The following GPRASP2 variants were observed in gnomAD, a reference collection of about 807,000 sequenced individuals.
The protein encoded by GPRASP2 is G protein-coupled receptor-associated sorting protein 2.
In GPRASP2, 10 loss-of-function variants were observed where a neutral mutation model predicts 36.0. The observed-to-expected ratio is 0.28, with a 90% CI of 0.17 to 0.47. The LOEUF is 0.47. Ranked by LOEUF, GPRASP2 falls within the 20% of genes least tolerant of loss-of-function variation. The pLI is 0.99. For synonymous variants in GPRASP2, 219 were observed against 230.5 expected (o/e 0.95, Z 0.45); for missense variants, 538 against 626.7 (o/e 0.86, Z 1.51).
Position 102,716,473 on chromosome X carries a change from C to T in GPRASP2, c.1604C>T (p.Pro535Leu), listed in dbSNP as rs1354172296. ...AAGCCCAAGAACCTGGAACTTAGCCCAGAAGGAGAAGAGCAGGAATCTTTG... is the reference window on the plus strand; with the variant it reads ...AAGCCCAAGAACCTGGAACTTAGCCTAGAAGGAGAAGAGCAGGAATCTTTG... ...EAKPKNLELS[P>L]EGEEQESLLQ... The change falls in exon 5 of 5, where the codon CCA becomes CTA. Residue 535 changes from proline (P) to leucine (L), a missense_variant. Coordinates refer to ENST00000483720, the MANE Select transcript of GPRASP2 (RefSeq NM_001004051.4). 1 of 1,211,997 alleles carries T rather than the reference C, an allele frequency of 8.3e-7. No homozygotes were observed. Among genetic ancestry groups the T allele is most frequent in the African/African-American group, 1.7e-5 (1 of 57,818 alleles).
In GPRASP2 at chrX:102,715,736, C is replaced by T; in HGVS notation, c.867C>T (p.Ser289=). Residue 289 remains serine, a synonymous_variant, in exon 5 of 5, where the codon AGC becomes AGT. Transcript: ENST00000483720. Reference sequence around the variant, plus strand: ...GGTCTGGATCTGAGGATGAGGCCAGCAACCCATTCTCCTTCTGGGTTGGAG... The same window carrying T: ...GGTCTGGATCTGAGGATGAGGCCAGTAACCCATTCTCCTTCTGGGTTGGAG... ...DSWSGSEDEA[S]NPFSFWVGEN... The T allele has an allele frequency of 8.3e-7, 1 of 1,211,948 alleles. No homozygotes were observed. Among genetic ancestry groups the T allele is most frequent in the Non-Finnish European group, 1.1e-6 (1 of 895,604 alleles).
At chrX:102,713,270 G>C (rs1455554405) in intron 2 of GPRASP2, 53 bp downstream of exon 2, 1 of 111,779 alleles carries the variant, frequency 8.9e-6, no homozygotes, top group African/African-American at 3.3e-5. Flanking sequence ...CCCGAATCGG[G>C]GTAGGGGACT....
At chrX:102,713,345 C>G (rs2081906183) in intron 2 of GPRASP2, 128 bp downstream of exon 2, 1 of 111,983 alleles carries the variant, frequency 8.9e-6, no homozygotes, top group Non-Finnish European at 1.9e-5. Context: ...TGGCGCTCCC[C>G]CCACCTTCCA....
Position 102,714,830 on chromosome X carries a change from G to A in GPRASP2, c.-40G>A. The A allele has an allele frequency of 2.5e-6, 3 of 1,178,590 alleles. No individual in the cohort carries two copies. The highest frequency in any genetic ancestry group is 4.9e-5 in the Admixed American group (2 of 40,899). On this transcript the variant is annotated 5_prime_UTR_variant, in exon 5 of 5. Coordinates refer to ENST00000483720, the MANE Select transcript of GPRASP2 (RefSeq NM_001004051.4). Reference sequence around the variant, plus strand: ...GATCTGTGGTTGAGGTTTAGACTACGGGAGGAGTATATTACCTGACTTTCT... The same window carrying A: ...GATCTGTGGTTGAGGTTTAGACTACAGGAGGAGTATATTACCTGACTTTCT...
intron 3 of GPRASP2, 61 bp downstream of exon 3, chrX:102,713,910 A>G (rs2081918012): frequency 9.0e-6 from 1 of 111,722 alleles, no homozygotes; most frequent in African/African-American, 3.3e-5. Context: ...GGCAGGTGGC[A>G]GATCCACTTC....
intron 2 of GPRASP2, 84 bp from the exon 3 acceptor site, chrX:102,713,698 C>T (rs2081914190): frequency 8.8e-6 from 1 of 113,019 alleles, no homozygotes; most frequent in Non-Finnish European, 1.9e-5. Context: ...GGACTCTTAT[C>T]CTTGGCGTTG....
At position 102,716,726 on chromosome X, in the gene GPRASP2, T is replaced by C. The variant is rs769510587; in HGVS notation, c.1857T>C (p.Ile619=). 20 of 1,212,082 alleles carry C rather than the reference T, an allele frequency of 1.7e-5. No individual in the cohort carries two copies. The highest frequency in any genetic ancestry group is 1.1e-4 in the Admixed American group (5 of 46,074). ...CTTTTATTCATGAAATATCTAAAATTGCAATGGGTATGAGAAGTGCTTCTC... is the reference window on the plus strand; with the variant it reads ...CTTTTATTCATGAAATATCTAAAATCGCAATGGGTATGAGAAGTGCTTCTC... The part of the protein sequence containing the change: ...RDPFIHEISK[I]AMGMRSASQF... Residue 619 remains isoleucine (I), a synonymous_variant, in exon 5 of 5, where the codon ATT becomes ATC. Coordinates refer to ENST00000483720, the MANE Select transcript of GPRASP2 (RefSeq NM_001004051.4).
At position 102,714,243 on chromosome X, in the gene GPRASP2, G is replaced by A. The variant is rs1229578115; in HGVS notation, c.-357G>A. ...CACCACTTGAACAAGAAAAGGAGGG[G>A]GAAACTGCACCACATCAGTGAAGGT... On this transcript the variant is annotated 5_prime_UTR_variant, in exon 4 of 5. Transcript: ENST00000483720. 3 of 112,031 alleles carry A rather than the reference G, an allele frequency of 2.7e-5. No individual in the cohort carries two copies. The highest frequency in any genetic ancestry group is 9.8e-5 in the African/African-American group (3 of 30,656). 9.2% of individuals were successfully genotyped at this position (112,031 alleles called of 1,213,427 possible).
chrX:102,716,891 G>C lies in GPRASP2; in HGVS notation c.2022G>C (p.Met674Ile). 8.3e-7 allele frequency: 1 copy of C among 1,210,139 alleles called. No individual in the cohort carries two copies. Among genetic ancestry groups the C allele is most frequent in the South Asian group, 1.8e-5 (1 of 56,485 alleles). ...HMAPPYPNLNMIETFICQVCE... is the reference protein window; with the variant it reads ...HMAPPYPNLNIIETFICQVCE... ...CTCCACCTTATCCAAATCTAAACAT[G>C]ATTGAGACATTCATATGTCAAGTGT... Residue 674 changes from methionine to isoleucine, a missense_variant, in exon 5 of 5, where the codon ATG (methionine) becomes ATC (isoleucine). Met to Ile is a conservative substitution (Grantham distance 10, BLOSUM62 1). Coordinates refer to ENST00000483720, the MANE Select transcript of GPRASP2 (RefSeq NM_001004051.4).
Position 102,716,394 on chromosome X carries a change from C to T in GPRASP2, c.1525C>T (p.Arg509Ter), listed in dbSNP as rs2081964903. ...KPGLFHGVGF[R>*]STSPFGIPEE... ...TGGTCTTTTTCATGGGGTTGGCTTC[C>T]GATCCACAAGCCCCTTTGGAATTCC... is the stretch of plus-strand genomic sequence containing the variant. The change falls in exon 5 of 5, where the codon CGA becomes TGA. Residue 509 changes from arginine to a stop codon, truncating the protein, a stop_gained. Coordinates refer to ENST00000483720, the MANE Select transcript of GPRASP2 (RefSeq NM_001004051.4). LOFTEE classifies it high-confidence loss of function. 1 of 1,210,367 alleles carries T rather than the reference C, an allele frequency of 8.3e-7. No individual in the cohort carries two copies. The highest frequency in any genetic ancestry group is 2.2e-5 in the Admixed American group (1 of 45,813).
In GPRASP2 at chrX:102,715,180, C is replaced by A. The variant is rs2081943235; in HGVS notation, c.311C>A (p.Ala104Glu). ...TGARPKTDARAVGGARSKTDA... is the reference protein window; with the variant it reads ...TGARPKTDAREVGGARSKTDA... ...GCCAGGCCCAAAACCGATGCCAGGG[C>A]AGTAGGTGGCGCTCGTTCTAAAACT... The change falls in exon 5 of 5, where the codon GCA becomes GAA. Residue 104 changes from alanine (A) to glutamate (E), a missense_variant. Ala to Glu is a moderately radical substitution (Grantham distance 107). Transcript: ENST00000483720. 8.3e-7 allele frequency: 1 copy of A among 1,211,665 alleles called. No individual in the cohort carries two copies. Among genetic ancestry groups the A allele is most frequent in the African/African-American group, 1.7e-5 (1 of 57,717 alleles).
In GPRASP2 at chrX:102,715,427, C is replaced by G; in HGVS notation, c.558C>G (p.Thr186=). The G allele has an allele frequency of 8.3e-7, 1 of 1,212,061 alleles. No individual in the cohort carries two copies. The highest frequency in any genetic ancestry group is 1.1e-6 in the Non-Finnish European group (1 of 895,582). ...TGGATGCTGAAACCTTTCCTGGCACCCAGGGTCAGAAAGGAATCCAGCCCT... is the reference window on the plus strand; with the variant it reads ...TGGATGCTGAAACCTTTCCTGGCACGCAGGGTCAGAAAGGAATCCAGCCCT... ...VNVDAETFPG[T]QGQKGIQPWF... Residue 186 remains threonine (T), a synonymous_variant, in exon 5 of 5, where the codon ACC becomes ACG. Transcript: ENST00000483720.
chrX:102,712,760 G>A (rs113135036), intron 1 of GPRASP2, among the ~76,000 whole-genome samples: 1,250 of 112,901 alleles, frequency 0.011, 23 homozygotes, highest in African/African-American at 0.038. Flanking sequence ...AGGGCTGAGG[G>A]GCTGGCTCGG....
intron 4 of GPRASP2, 121 bp from the exon 5 acceptor site, chrX:102,714,416 C>A (rs1421566822): frequency 8.3e-6 from 1 of 121,122 alleles, no homozygotes; most frequent in Non-Finnish European, 1.7e-5. Context: ...TAGGAGGCAG[C>A]CGGTCCAGAG....
rs1465915185 is a variant in GPRASP2, at chrX:102,714,737, A to T, written c.-133A>T. The T allele has an allele frequency of 6.8e-6, 7 of 1,032,569 alleles. No homozygotes were observed. The highest frequency in any genetic ancestry group is 9.0e-6 in the Non-Finnish European group (7 of 775,739). The allele number at this position is 1,032,569 out of a possible 1,213,427, so 85.1% of individuals were successfully genotyped here. On this transcript the variant is annotated 5_prime_UTR_variant, in exon 5 of 5. Coordinates refer to ENST00000483720, the MANE Select transcript of GPRASP2 (RefSeq NM_001004051.4). ...ACTACTGGACTGGATATTGACTCTA[A>T]CTCTTATTCCCAAGCTTATATCCTT...
intron 2 of GPRASP2, among the ~76,000 whole-genome samples, chrX:102,713,421 T>C (rs1466807141): frequency 9.0e-6 from 1 of 111,671 alleles, no homozygotes; most frequent in East Asian, 2.8e-4. Context: ...GAGGTGGGGG[T>C]GATGAGGGAG....
At position 102,714,824 on chromosome X, in the gene GPRASP2, G is replaced by T; in HGVS notation, c.-46G>T. On this transcript the variant is annotated 5_prime_UTR_variant, in exon 5 of 5. Coordinates refer to ENST00000483720, the MANE Select transcript of GPRASP2 (RefSeq NM_001004051.4). ...GTGACAGATCTGTGGTTGAGGTTTA[G>T]ACTACGGGAGGAGTATATTACCTGA... 8.5e-7 allele frequency: 1 copy of T among 1,169,733 alleles called. No individual in the cohort carries two copies. The highest frequency in any genetic ancestry group is 3.0e-5 in the East Asian group (1 of 33,568).
intron 1 of GPRASP2, among the ~76,000 whole-genome samples, chrX:102,712,754 C>CT (rs1457700888): frequency 8.9e-6 from 1 of 112,791 alleles, no homozygotes; most frequent in African/African-American, 3.2e-5. Flanking sequence ...TGGCCAAGGG[C>CT]TGAGGGGCTG....
chrX:102,714,485 G>A, intron 4 of GPRASP2, 52 bp from the exon 5 acceptor site: 1 of 168,118 alleles, frequency 5.9e-6, no homozygotes, highest in Admixed American at 7.1e-5. Context: ...CACTGCATAC[G>A]TCTCATACAA....
Sources: gnomAD v4.1 joint callset for allele counts (sites outside exome capture counted in the v4.1 genomes callset) on GRCh38, gnomAD v4.1.1 for gene constraint, MANE v1.5 for transcripts, NCBI Gene and HGNC (gene_info 2026-07-23, HGNC 2026-07-21) for gene names.